The following ACAA1 variants were observed in gnomAD, a reference collection of about 807,000 sequenced individuals.
ACAA1 encodes the protein 3-ketoacyl-CoA thiolase, peroxisomal.
ACAA1 carries 44 observed loss-of-function variants against 48.8 expected under a neutral mutation model. The ratio of observed to expected loss-of-function variants is 0.90; its 90% CI spans 0.71 to 1.16. ACAA1 has a LOEUF of 1.16. Among genes scored for constraint, ACAA1 ranks in the 50% most tolerant of loss-of-function variants. The pLI, the probability that ACAA1 is intolerant of heterozygous loss-of-function variation, is 0.00. For missense variants in ACAA1, 512 were observed against 562.3 expected (o/e 0.91, Z 0.90); for synonymous variants, 233 against 226.5 (o/e 1.03, Z -0.26).
In ACAA1 at chr3:38,126,535, GA is replaced by G; in HGVS notation, c.791del (p.Phe264SerfsTer15). 2.5e-6 allele frequency: 4 copies of G among 1,614,198 alleles called. No homozygotes were observed. The highest frequency in any genetic ancestry group is 3.4e-6 in the Non-Finnish European group (4 of 1,180,030). On this transcript the variant is annotated frameshift_variant, in exon 8 of 12. Transcript: ENST00000333167. LOFTEE classifies it high-confidence loss of function. The surrounding 1 kb of genome is among the most constrained non-coding windows in gnomAD (Gnocchi z 4.7). ...CAGCTGTGGTAGAACCATCTTTCTTGAAGGCAGGCTTCAGTTTGGCCAGGCC... is the reference window on the plus strand; with the variant it reads ...CAGCTGTGGTAGAACCATCTTTCTTGAGGCAGGCTTCAGTTTGGCCAGGCC... ...MEGLAKLKPA[F>X]KKDGSTTAGN...
At chr3:38,134,731 A>G (rs1700854899) in intron 2 of ACAA1, among the ~76,000 whole-genome samples, 1 of 152,198 alleles carries the variant, frequency 6.6e-6, no homozygotes, top group Non-Finnish European at 1.5e-5. Context: ...AGTCATCGTC[A>G]TTCTCCATTC....
Position 38,134,230 on chromosome 3 carries a change from C to A in ACAA1, c.266-221G>T. The A allele has an allele frequency of 5.1e-6, 3 of 583,004 alleles. No homozygotes were observed. The South Asian group carries it at 6.3e-5, about 12-fold the overall frequency. The allele number at this position is 583,004 out of a possible 1,614,324, so 36.1% of individuals were successfully genotyped here. ...CCAGCTCCTGTCCCTGAGGGTCCCA[C>A]GCTCACTTGCCCATGCACCCAGCTT... On this transcript the variant is annotated intron_variant, in intron 2 of 11. Transcript: ENST00000333167.
At chr3:38,123,757 C>T (rs990936541) in intron 11 of ACAA1, 1 of 152,186 alleles carries the variant, frequency 6.6e-6, no homozygotes, top group African/African-American at 2.4e-5. Context: ...AATCCCAACA[C>T]TTTGGGAGGC....
At chr3:38,131,707 T>A in intron 4 of ACAA1, 69 bp from the exon 5 acceptor site, 1 of 1,540,968 alleles carries the variant, frequency 6.5e-7, no homozygotes, top group Non-Finnish European at 9.0e-7. Context: ...TGGAGCCTCT[T>A]CCCCACCTGG....
Position 38,136,974 on chromosome 3 carries a change from G to T in ACAA1, c.62C>A (p.Pro21Gln). 6.4e-7 allele frequency: 1 copy of T among 1,557,522 alleles called. No individual in the cohort carries two copies. Residue 21 changes from proline to glutamine, a missense_variant, in exon 1 of 12, where the codon CCG (proline) becomes CAG (glutamine). By Grantham distance (76) the Pro-to-Gln change is moderately conservative. Coordinates refer to ENST00000333167, the MANE Select transcript of ACAA1 (RefSeq NM_001607.4). The stretch of plus-strand genomic sequence containing the variant: ...ACCGCTCAGGCAAGGCGCGGCCTGC[G>T]GCATCCAGCCGGAATCGGCCGGACC... The part of the protein sequence containing the change: ...LRGPADSGWM[P>Q]QAAPCLSGAP...
intron 2 of ACAA1, chr3:38,135,375 C>T (rs2125771518): frequency 6.6e-6 from 1 of 152,264 alleles, no homozygotes; most frequent in East Asian, 1.9e-4. Flanking sequence ...AATTGAGGAC[C>T]TACACCAGCA....
Position 38,126,444 on chromosome 3 carries a change from CCA to C in ACAA1, c.817+64_817+65del. ...GAGGGGCCTGGTCTATTCCAGGTTC[CCA>C]GAGTACAGCACCCAGCATGGCCATG... On this transcript the variant is annotated intron_variant, in intron 8 of 11. Coordinates refer to ENST00000333167, the MANE Select transcript of ACAA1 (RefSeq NM_001607.4). The surrounding 1 kb of genome is among the most constrained non-coding windows in gnomAD (Gnocchi z 4.7). 1 of 1,611,556 alleles carries C rather than the reference CCA, an allele frequency of 6.2e-7. No homozygotes were observed. Among genetic ancestry groups the C allele is most frequent in the East Asian group, 2.2e-5 (1 of 44,822 alleles).
chr3:38,136,772 G>A, intron 1 of ACAA1, 87 bp from the exon 2 acceptor site: 1 of 1,486,322 alleles, frequency 6.7e-7, no homozygotes. Flanking sequence ...GTGCGGAGCT[G>A]CCTCCGGCGT....
chr3:38,132,218 G>A (rs1021288809), intron 3 of ACAA1: 6 of 408,638 alleles, frequency 1.5e-5, no homozygotes, highest in Non-Finnish European at 2.3e-5. Flanking sequence ...GCTCCCCAGG[G>A]CCCCACAAGC....
rs767003724 is a variant in ACAA1, at chr3:38,127,832, T to C, written c.580A>G (p.Ile194Val). Residue 194 changes from isoleucine (I) to valine (V), a missense_variant, in exon 7 of 12, where the codon ATT (isoleucine) becomes GTT (valine). By Grantham distance (29) the Ile-to-Val change is conservative. Transcript: ENST00000333167. ...TSENVAERFG[I>V]SREKQDTFAL... is the part of the protein sequence containing the mutation. Reference sequence around the variant, plus strand: ...AAGGTATCCTGCTTCTCCCGTGAAATGCCAAACCGCTCAGCCACATTCTCA... The same window carrying C: ...AAGGTATCCTGCTTCTCCCGTGAAACGCCAAACCGCTCAGCCACATTCTCA... 6.2e-7 allele frequency: 1 copy of C among 1,614,080 alleles called. No homozygotes were observed. The highest frequency in any genetic ancestry group is 2.2e-5 in the East Asian group (1 of 44,870).
intron 11 of ACAA1, chr3:38,123,651 A>G (rs1167569959): frequency 6.5e-6 from 1 of 153,074 alleles, no homozygotes; most frequent in African/African-American, 2.4e-5. Context: ...CAGCCTAGGC[A>G]ATATAGCAAG....
intron 11 of ACAA1, 126 bp from the exon 12 acceptor site, chr3:38,123,248 C>CA: frequency 1.2e-6 from 1 of 867,196 alleles, no homozygotes; most frequent in Non-Finnish European, 1.9e-6. Context: ...TGTGGGCAAG[C>CA]GGTACCCTGG....
At chr3:38,134,828 C>G (rs779486746) in intron 2 of ACAA1, among the ~76,000 whole-genome samples, 2 of 152,192 alleles carry the variant, frequency 1.3e-5, no homozygotes, top group Non-Finnish European at 2.9e-5. Flanking sequence ...GGTTTCCCCC[C>G]ACTGAGACAG....
In ACAA1 at chr3:38,131,587, A is replaced by T; in HGVS notation, c.446+9T>A. 1 of 1,614,126 alleles carries T rather than the reference A, an allele frequency of 6.2e-7. No individual in the cohort carries two copies. The highest frequency in any genetic ancestry group is 8.5e-7 in the Non-Finnish European group (1 of 1,179,996). On this transcript the variant is annotated intron_variant, in intron 5 of 11. Transcript: ENST00000333167. The stretch of plus-strand genomic sequence containing the variant: ...TGGTTAATAAGCTCCGGCAGAAAAA[A>T]ATTCTTACCCACAGGCCATGCCAAT...
chr3:38,136,984 C>A lies in ACAA1; in HGVS notation c.52G>T (p.Gly18Cys). Residue 18 changes from glycine to cysteine, a missense_variant, in exon 1 of 12, where the codon GGC (glycine) becomes TGC (cysteine). Physicochemically the swap from Gly to Cys is radical, Grantham distance 159. Transcript: ENST00000333167. Reference sequence around the variant, plus strand: ...CAAGGCGCGGCCTGCGGCATCCAGCCGGAATCGGCCGGACCCCTCAGGTGG... The same window carrying A: ...CAAGGCGCGGCCTGCGGCATCCAGCAGGAATCGGCCGGACCCCTCAGGTGG... Reference protein sequence around the residue: ...LGHLRGPADSGWMPQAAPCLS... With the variant: ...LGHLRGPADSCWMPQAAPCLS... 2.6e-6 allele frequency: 4 copies of A among 1,561,286 alleles called. No individual in the cohort carries two copies. Among genetic ancestry groups the A allele is most frequent in the Non-Finnish European group, 3.5e-6 (4 of 1,155,224 alleles).
At chr3:38,127,973 G>T in intron 6 of ACAA1, 107 bp from the exon 7 acceptor site, 1 of 1,081,878 alleles carries the variant, frequency 9.2e-7, no homozygotes, top group Non-Finnish European at 1.4e-6. Context: ...GCTGTAGGCA[G>T]GACAGGATGT....
intron 6 of ACAA1, among the ~76,000 whole-genome samples, chr3:38,128,602 TC>T (rs1258094441): frequency 1.3e-5 from 2 of 152,052 alleles, no homozygotes; most frequent in Non-Finnish European, 2.9e-5. Context: ...TTTCTTTTTT[TC>T]TTTTTTGAGA....
At position 38,127,521 on chromosome 3, in the gene ACAA1, C is replaced by T. The variant is rs763684346; in HGVS notation, c.626+265G>A. 19 of 520,628 alleles carry T rather than the reference C, an allele frequency of 3.6e-5. No individual in the cohort carries two copies. The East Asian group carries it at 3.8e-4, about 10-fold the overall frequency. 32.3% of individuals were successfully genotyped at this position (520,628 alleles called of 1,614,324 possible). The stretch of plus-strand genomic sequence containing the variant: ...AGGCTACAATGTCCAGTCCCCAAAC[C>T]GCAGCCAGAAAATAACAGAGGGGGA... On this transcript the variant is annotated intron_variant, in intron 7 of 11. Transcript: ENST00000333167.
At chr3:38,134,738 A>G (rs1454473761) in intron 2 of ACAA1, among the ~76,000 whole-genome samples, 1 of 152,232 alleles carries the variant, frequency 6.6e-6, no homozygotes, top group Non-Finnish European at 1.5e-5. Context: ...GTCATTCTCC[A>G]TTCTCTATTA....
Sources: allele counts gnomAD v4.1 joint callset (sites outside exome capture counted in the v4.1 genomes callset), GRCh38; gene constraint gnomAD v4.1.1; non-coding constraint Gnocchi (gnomAD v3.1); transcripts MANE v1.5; gene names NCBI Gene and HGNC (gene_info 2026-07-23, HGNC 2026-07-21).